The following CCDC122 variants were observed in gnomAD, a reference collection of about 807,000 sequenced individuals.
CCDC122 encodes the protein coiled-coil domain-containing protein 122.
A neutral mutation model predicts 37.0 loss-of-function variants in CCDC122; 38 were observed. The ratio of observed to expected loss-of-function variants is 1.03; its 90% CI spans 0.79 to 1.35. The LOEUF is 1.35. CCDC122 is among the 40% of genes most tolerant of loss of function. The pLI is 0.00. For synonymous variants in CCDC122, 83 were observed against 95.6 expected, an observed-to-expected ratio of 0.87 and a Z score of 0.77; for missense variants, 305 against 310.0, an observed-to-expected ratio of 0.98 and a Z score of 0.12.
At chr13:43,846,937 TGAGA>T (rs763681299) in intron 6 of CCDC122, among the ~76,000 whole-genome samples, 57 of 152,354 alleles carry the variant, frequency 3.7e-4, no homozygotes, top group Non-Finnish European at 6.6e-4. Flanking sequence ...TCATAGTTAC[TGAGA>T]GAAAGTATTA....
At chr13:43,858,965 G>A (rs1203542263) in intron 5 of CCDC122, 68 bp from the exon 6 acceptor site, 19 of 1,217,146 alleles carry the variant, frequency 1.6e-5, no homozygotes, top group Non-Finnish European at 1.8e-5. Context: ...CAATTTTTCA[G>A]TGTTTCTATA....
intron 6 of CCDC122, among the ~76,000 whole-genome samples, chr13:43,842,980 C>A (rs1482626903): frequency 6.6e-6 from 1 of 151,936 alleles, no homozygotes; most frequent in African/African-American, 2.4e-5. Flanking sequence ...GACAGTTTTA[C>A]TTTTTTCTTT....
At chr13:43,873,526 C>T (rs1954512600) in intron 2 of CCDC122, among the ~76,000 whole-genome samples, 1 of 152,160 alleles carries the variant, frequency 6.6e-6, no homozygotes, top group African/African-American at 2.4e-5. Context: ...TTCAACTAGA[C>T]TTGCCCAAGG....
Position 43,859,972 on chromosome 13 carries a change from AT to A in CCDC122, c.254del (p.Asn85IlefsTer21). On this transcript the variant is annotated frameshift_variant, in exon 5 of 7. Transcript: ENST00000444614. LOFTEE classifies it high-confidence loss of function. Reference sequence around the variant, plus strand: ...CCAGGCTATCACAATGAAGTTTGGTATTCTCTATGGCAGAATCTTGTTGATA... The same window carrying A: ...CCAGGCTATCACAATGAAGTTTGGTATCTCTATGGCAGAATCTTGTTGATA... The part of the protein sequence containing the change: ...QIYQQDSAIE[N>X]TKLHCDSLET... 6.2e-7 allele frequency: 1 copy of A among 1,610,390 alleles called. No homozygotes were observed. The highest frequency in any genetic ancestry group is 8.5e-7 in the Non-Finnish European group (1 of 1,178,254).
chr13:43,840,776 TTTA>T (rs1953324571), intron 6 of CCDC122, among the ~76,000 whole-genome samples: 1 of 148,334 alleles, frequency 6.7e-6, no homozygotes, highest in Admixed American at 6.7e-5. Flanking sequence ...CTTAATCCAG[TTTA>T]CAATTGTTGG....
chr13:43,821,003 A>T (rs1952989064), downstream of CCDC122, among the ~76,000 whole-genome samples: 7 of 152,220 alleles, frequency 4.6e-5, no homozygotes, highest in Admixed American at 4.6e-4. Flanking sequence ...CCTAAACCAA[A>T]TTTTATTCTC....
chr13:43,829,812 G>A (rs1477934152), intron 3 of CCDC122, among the ~76,000 whole-genome samples: 1 of 152,160 alleles, frequency 6.6e-6, no homozygotes, highest in Non-Finnish European at 1.5e-5. Context: ...CTAAAAAATT[G>A]TGTGACCTCA....
chr13:43,834,199 GA>G, downstream of CCDC122, among the ~76,000 whole-genome samples: 1 of 152,140 alleles, frequency 6.6e-6, no homozygotes, highest in Non-Finnish European at 1.5e-5. Flanking sequence ...GCAAAAACAA[GA>G]AATGAGGAAA....
chr13:43,854,699 G>C (rs1304716482), intron 6 of CCDC122: 3 of 152,102 alleles, frequency 2.0e-5, no homozygotes, highest in Non-Finnish European at 2.9e-5. Flanking sequence ...CAATATCCTT[G>C]ATGAACATCG....
chr13:43,863,702 T>C (rs1026853225), intron 4 of CCDC122, among the ~76,000 whole-genome samples: 2 of 144,714 alleles, frequency 1.4e-5, no homozygotes, highest in South Asian at 4.5e-4. Flanking sequence ...TGTGTGTGTG[T>C]GCCTGTGTGT....
chr13:43,871,025 C>A (rs537521611), intron 2 of CCDC122, among the ~76,000 whole-genome samples: 1 of 152,046 alleles, frequency 6.6e-6, no homozygotes, highest in Non-Finnish European at 1.5e-5. Flanking sequence ...CTGACTTACA[C>A]GAAAACTTCG....
chr13:43,840,285 G>A, intron 6 of CCDC122, among the ~76,000 whole-genome samples: 1 of 152,140 alleles, frequency 6.6e-6, no homozygotes, highest in Non-Finnish European at 1.5e-5. Flanking sequence ...TAAATGGACT[G>A]ATAAAATGAT....
intron 6 of CCDC122, among the ~76,000 whole-genome samples, chr13:43,852,200 T>C (rs556188244): frequency 3.9e-5 from 6 of 151,992 alleles, no homozygotes; most frequent in Non-Finnish European, 7.4e-5. Context: ...GCTATAGAAG[T>C]ATGTTAAAAC....
At chr13:43,850,034 T>C (rs905056208) in intron 6 of CCDC122, among the ~76,000 whole-genome samples, 7 of 152,234 alleles carry the variant, frequency 4.6e-5, no homozygotes, top group South Asian at 4.1e-4. Context: ...CAGGACTCAG[T>C]AGTAACCAGG....
chr13:43,850,969 T>C (rs1276787557), intron 6 of CCDC122, among the ~76,000 whole-genome samples: 6 of 152,104 alleles, frequency 3.9e-5, no homozygotes, highest in Non-Finnish European at 7.4e-5. Context: ...AAGAAATACC[T>C]TACATATATA....
downstream of CCDC122, among the ~76,000 whole-genome samples, chr13:43,819,354 A>G (rs888379728): frequency 1.3e-5 from 2 of 152,222 alleles, no homozygotes; most frequent in Non-Finnish European, 2.9e-5. Context: ...TTCCAAAGAT[A>G]TACTAGCTAA....
At chr13:43,839,187 C>T (rs370394179) in intron 6 of CCDC122, among the ~76,000 whole-genome samples, 3 of 152,140 alleles carry the variant, frequency 2.0e-5, no homozygotes, top group East Asian at 3.9e-4. Flanking sequence ...ACGAATATCA[C>T]CACAATCAAT....
downstream of CCDC122, among the ~76,000 whole-genome samples, chr13:43,834,592 T>C (rs1259731787): frequency 6.6e-6 from 1 of 152,066 alleles, no homozygotes; most frequent in African/African-American, 2.4e-5. Context: ...GAATCTACAA[T>C]GAACCCCAAC....
chr13:43,850,673 G>A (rs1953696131), intron 6 of CCDC122, among the ~76,000 whole-genome samples: 1 of 151,994 alleles, frequency 6.6e-6, no homozygotes, highest in Non-Finnish European at 1.5e-5. Flanking sequence ...GAACTTCAGG[G>A]GCTTATGAAA....
Sources: allele counts gnomAD v4.1 joint callset (sites outside exome capture counted in the v4.1 genomes callset), GRCh38; gene constraint gnomAD v4.1.1; transcripts MANE v1.5; gene names NCBI Gene and HGNC (gene_info 2026-07-23, HGNC 2026-07-21).